SYTL5: variants seen among roughly 807,000 people sequenced by gnomAD.
SYTL5 encodes synaptotagmin like 5, also known as synaptotagmin-like protein 5.
Under a neutral mutation model 55.9 loss-of-function variants are expected in SYTL5, and 34 were observed. That is an observed-to-expected ratio of 0.61 (90% CI 0.46 to 0.81). SYTL5 has a LOEUF of 0.81. Ranked by LOEUF, SYTL5 falls within the 30% of genes least tolerant of loss-of-function variation. The pLI, the probability that SYTL5 is intolerant of heterozygous loss-of-function variation, is 0.00. For synonymous variants in SYTL5, 221 were observed against 188.7 expected, an observed-to-expected ratio of 1.17 and a Z score of -1.40; for missense variants, 637 against 546.7, an observed-to-expected ratio of 1.17 and a Z score of -1.65.
At chrX:37,960,668 GTCT>G in the SYTL5 span, among the ~76,000 whole-genome samples, 19 of 110,766 alleles carry the variant, frequency 1.7e-4, no homozygotes, top group African/African-American at 5.6e-4. Context: ...AATTTCTCTG[GTCT>G]TCTCCTTTTT....
At chrX:37,963,879 G>A in the SYTL5 span, among the ~76,000 whole-genome samples, 1 of 111,228 alleles carries the variant, frequency 9.0e-6, no homozygotes, top group Non-Finnish European at 1.9e-5. Flanking sequence ...ATTATGTTGA[G>A]GTAATTTATC....
intron 8 of SYTL5, among the ~76,000 whole-genome samples, chrX:38,095,788 AG>A (rs1170574474): frequency 9.0e-6 from 1 of 110,700 alleles, no homozygotes; most frequent in Non-Finnish European, 1.9e-5. Flanking sequence ...TCTAAATTTA[AG>A]GGCCCATTCT....
intron 2 of SYTL5, among the ~76,000 whole-genome samples, chrX:38,045,056 G>A (rs1307866243): frequency 1.8e-5 from 2 of 111,713 alleles, no homozygotes; most frequent in African/African-American, 6.5e-5. Context: ...GGTAGACCTT[G>A]AACTCATGAT....
intron 1 of SYTL5, among the ~76,000 whole-genome samples, chrX:38,024,513 T>A (rs764402819): frequency 4.5e-5 from 5 of 111,085 alleles, no homozygotes; most frequent in Non-Finnish European, 9.4e-5. Flanking sequence ...CCATATAATA[T>A]CTAATAACAT....
intron 5 of SYTL5, among the ~76,000 whole-genome samples, chrX:38,075,306 T>C (rs2147421713): frequency 8.9e-6 from 1 of 112,007 alleles, no homozygotes; most frequent in Non-Finnish European, 1.9e-5. Context: ...GAAAAGTTAC[T>C]AAGTATAAAA....
the SYTL5 span, among the ~76,000 whole-genome samples, chrX:37,895,428 C>T: frequency 1.1e-5 from 1 of 90,476 alleles, no homozygotes; most frequent in Admixed American, 1.1e-4. Flanking sequence ...TTCCTTCCTT[C>T]CTTCCTTCCT....
the SYTL5 span, among the ~76,000 whole-genome samples, chrX:37,940,163 CATTCTCCAACCTCTGCCT>C: frequency 9.0e-6 from 1 of 110,670 alleles, no homozygotes; most frequent in Non-Finnish European, 1.9e-5. Flanking sequence ...AGGAGAGAGC[CATTCTCCAACCTCTGCCT>C]TTTGTTGCCA....
the SYTL5 span, among the ~76,000 whole-genome samples, chrX:37,930,067 G>T: frequency 9.0e-6 from 1 of 111,022 alleles, no homozygotes; most frequent in Admixed American, 9.5e-5. Flanking sequence ...CATAGCAAAT[G>T]TATAAAAGGG....
the SYTL5 span, among the ~76,000 whole-genome samples, chrX:37,941,473 C>T: frequency 1.2e-4 from 13 of 111,524 alleles, no homozygotes; most frequent in African/African-American, 2.0e-4. Flanking sequence ...CCATCCCTTC[C>T]GTGTTCACCC....
chrX:37,895,455 T>A, the SYTL5 span, among the ~76,000 whole-genome samples: 1 of 89,075 alleles, frequency 1.1e-5, no homozygotes, highest in Admixed American at 1.1e-4. Context: ...CTTCCTTCCT[T>A]CCCTCCCTCC....
At chrX:37,975,915 G>T in the SYTL5 span, among the ~76,000 whole-genome samples, 19,428 of 110,220 alleles carry the variant, frequency 0.18, 2,756 homozygotes, top group African/African-American at 0.47. Context: ...CTAAATCTTC[G>T]TCAGCACTGG....
chrX:38,016,032 C>A (rs146180110), intron 1 of SYTL5, among the ~76,000 whole-genome samples: 1 of 111,537 alleles, frequency 9.0e-6, no homozygotes, highest in East Asian at 2.8e-4. Context: ...CTCTGGAATG[C>A]GCTAGGCCTA....
At chrX:38,028,248 G>T (rs12011748) in intron 1 of SYTL5, among the ~76,000 whole-genome samples, 25,948 of 111,497 alleles carry the variant, frequency 0.23, 5,335 homozygotes, top group African/African-American at 0.66. Flanking sequence ...TATAAGGTCA[G>T]TTTTCCCAAG....
the SYTL5 span, among the ~76,000 whole-genome samples, chrX:37,907,984 G>C: frequency 1.8e-5 from 2 of 110,693 alleles, no homozygotes; most frequent in East Asian, 5.6e-4. Flanking sequence ...GGGCGCAGTA[G>C]CATGTGCCTG....
intron 2 of SYTL5, 96 bp downstream of exon 2, chrX:38,034,104 G>T: frequency 2.4e-6 from 1 of 417,926 alleles, no homozygotes; most frequent in Admixed American, 3.9e-5. Flanking sequence ...CCACAATGGG[G>T]ACAGATGTCA....
chrX:37,897,281 G>C, the SYTL5 span, among the ~76,000 whole-genome samples: 1 of 109,319 alleles, frequency 9.1e-6, no homozygotes, highest in Non-Finnish European at 1.9e-5. Context: ...TCAGGAGTTC[G>C]AGACCAGCCT....
rs140844128 is a variant in SYTL5, at chrX:38,073,677, A to G, written c.533A>G (p.His178Arg). 34 of 1,191,645 alleles carry G rather than the reference A, an allele frequency of 2.9e-5. No homozygotes were observed. In the South Asian group the frequency reaches 3.3e-4, roughly 12 times the overall value. ...TSPVAGKKASHDGPKRKGFLL... is the reference protein window; with the variant it reads ...TSPVAGKKASRDGPKRKGFLL... ...CCTGTTGCTGGGAAGAAGGCCAGCC[A>G]TGATGGGCCCAAGAGAAAGGGGTAA... The change falls in exon 5 of 17, where the codon CAT becomes CGT. Residue 178 changes from histidine (H) to arginine (R), a missense_variant. By Grantham distance (29) the His-to-Arg change is conservative. Coordinates refer to ENST00000297875, the MANE Select transcript of SYTL5 (RefSeq NM_138780.3).
intron 6 of SYTL5, among the ~76,000 whole-genome samples, chrX:38,080,288 T>C (rs1283514924): frequency 8.9e-6 from 1 of 111,965 alleles, no homozygotes; most frequent in Non-Finnish European, 1.9e-5. Flanking sequence ...TCAGTAAAAA[T>C]GGAGGAAGAA....
At chrX:37,936,869 C>T in the SYTL5 span, among the ~76,000 whole-genome samples, 1 of 103,958 alleles carries the variant, frequency 9.6e-6, no homozygotes, top group South Asian at 4.4e-4. Context: ...TGGAGAAACC[C>T]TGTCTCTCTT....
Sources: allele counts gnomAD v4.1 joint callset (sites outside exome capture counted in the v4.1 genomes callset), GRCh38; gene constraint gnomAD v4.1.1; transcripts MANE v1.5; gene names NCBI Gene and HGNC (gene_info 2026-07-23, HGNC 2026-07-21).